The following HERC5 variants were observed in gnomAD, a reference collection of about 807,000 sequenced individuals.
HERC5 encodes E3 ISG15--protein ligase HERC5.
HERC5 carries 99 observed loss-of-function variants against 119.6 expected under a neutral mutation model. The ratio of observed to expected loss-of-function variants is 0.83; its 90% CI spans 0.70 to 0.98. The LOEUF (loss-of-function observed/expected upper bound fraction) is 0.98, where lower values mean the gene tolerates loss of function less well. Among genes scored for constraint, HERC5 ranks in the 50% least tolerant of loss-of-function variants. The pLI, the probability that HERC5 is intolerant of heterozygous loss-of-function variation, is 0.00. For missense variants in HERC5, 1,267 were observed against 1,241.3 expected (o/e 1.02, Z -0.31); for synonymous variants, 478 against 445.9 (o/e 1.07, Z -0.91).
rs1578070826 is a variant in HERC5 at position 88,503,329 on chromosome 4, C to T, written c.2583-903C>T. Among the ~76,000 whole-genome samples the T allele has an allele frequency of 2.0e-5, 3 of 152,222 alleles. No homozygotes were observed. In the East Asian group the frequency reaches 5.8e-4, roughly 29 times the overall value. On this transcript the variant is annotated intron_variant, in intron 20 of 22. Coordinates refer to ENST00000264350, the MANE Select transcript of HERC5 (RefSeq NM_016323.4). ...CAGAATCTCCATTTGTTTAAATCGT[C>T]TTTTGTCATTCTTGAAAAAATGTTA...
At chr4:88,492,497 G>A (rs569213737) in intron 16 of HERC5, among the ~76,000 whole-genome samples, 2 of 151,462 alleles carry the variant, frequency 1.3e-5, no homozygotes, top group Non-Finnish European at 2.9e-5. Flanking sequence ...TAATCTCAGC[G>A]CTTTGGGAGG....
intron 6 of HERC5, among the ~76,000 whole-genome samples, chr4:88,466,844 G>A (rs1422317371): frequency 6.6e-6 from 1 of 152,190 alleles, no homozygotes; most frequent in Non-Finnish European, 1.5e-5. Flanking sequence ...AACACCATTT[G>A]CCAAAGTATG....
intron 22 of HERC5, 111 bp downstream of exon 22, chr4:88,504,708 C>G (rs1185382071): frequency 1.8e-5 from 9 of 492,838 alleles, no homozygotes; most frequent in Middle Eastern, 5.6e-4. Context: ...AGAGCTACGC[C>G]TAGTCCAACT....
chr4:88,476,164 G>A (rs1229516304), intron 12 of HERC5, 134 bp downstream of exon 12: 17 of 646,388 alleles, frequency 2.6e-5, no homozygotes, highest in Non-Finnish European at 4.4e-5. Flanking sequence ...ATACTCTAAA[G>A]GTACTATAAC....
chr4:88,491,196 T>C (rs940392436), intron 16 of HERC5, among the ~76,000 whole-genome samples: 4 of 152,158 alleles, frequency 2.6e-5, no homozygotes, highest in Non-Finnish European at 5.9e-5. Flanking sequence ...TTTTTAGTAT[T>C]TCACTATTTC....
intron 16 of HERC5, among the ~76,000 whole-genome samples, chr4:88,491,737 C>T (rs1301582622): frequency 2.6e-5 from 4 of 151,756 alleles, no homozygotes; most frequent in South Asian, 2.1e-4. Context: ...GGAAGGAGCC[C>T]GTGTTTGTAT....
chr4:88,499,951 GA>G lies in HERC5; in HGVS notation c.2472del (p.Gly825ValfsTer23). The G allele has an allele frequency of 6.2e-7, 1 of 1,608,920 alleles. No individual in the cohort carries two copies. The highest frequency in any genetic ancestry group is 1.1e-5 in the South Asian group (1 of 90,848). On this transcript the variant is annotated frameshift_variant, in exon 19 of 23. Coordinates refer to ENST00000264350, the MANE Select transcript of HERC5 (RefSeq NM_016323.4). LOFTEE classifies it high-confidence loss of function. ...GKNLQTLLDD[E>X]GDNFEEVFYI... Reference sequence around the variant, plus strand: ...GAATTTGCAAACACTTCTGGATGATGAAGGTGATAACTTTGAGGAAGTATTT... The same window carrying G: ...GAATTTGCAAACACTTCTGGATGATGAGGTGATAACTTTGAGGAAGTATTT...
At chr4:88,474,642 C>T (rs1300110011) in intron 11 of HERC5, among the ~76,000 whole-genome samples, 1 of 152,170 alleles carries the variant, frequency 6.6e-6, no homozygotes, top group African/African-American at 2.4e-5. Flanking sequence ...CACTTAGCCA[C>T]TATCTCATAA....
chr4:88,457,279 A>C lies in HERC5; in HGVS notation c.10A>C (p.Arg4=). 1.5e-6 allele frequency: 2 copies of C among 1,351,188 alleles called. No homozygotes were observed. Among genetic ancestry groups the C allele is most frequent in the Non-Finnish European group, 9.5e-7 (1 of 1,057,086 alleles). The allele number at this position is 1,351,188 out of a possible 1,614,324, so 83.7% of individuals were successfully genotyped here. A position where few individuals can be genotyped will look rare whatever the true frequency, so the allele number is the denominator to read the frequency against. ...ACCCCGCAAAGCGGCGATGGAGCGG[A>C]GGTCGCGGAGGAAGTCGCGGCGCAA... The part of the protein sequence containing the change: MER[R]SRRKSRRNGR... The change falls in exon 1 of 23, where the codon AGG becomes CGG. Residue 4 remains arginine (R), a synonymous_variant. Coordinates refer to ENST00000264350, the MANE Select transcript of HERC5 (RefSeq NM_016323.4).
intron 12 of HERC5, among the ~76,000 whole-genome samples, chr4:88,476,482 T>G (rs1741070070): frequency 6.6e-6 from 1 of 152,222 alleles, no homozygotes; most frequent in Non-Finnish European, 1.5e-5. Flanking sequence ...GCTTTTGTAA[T>G]TATGGTATTA....
At position 88,457,926 on chromosome 4, in the gene HERC5, G is replaced by A. The variant is rs868338488; in HGVS notation, c.265+392G>A. Reference sequence around the variant, plus strand: ...AGTCACTGCTCCAACTTTGGGAGTCGTTCTCAGTGATGGGATTTTACCTTG... The same window carrying A: ...AGTCACTGCTCCAACTTTGGGAGTCATTCTCAGTGATGGGATTTTACCTTG... On this transcript the variant is annotated intron_variant, in intron 1 of 22. Coordinates refer to ENST00000264350, the MANE Select transcript of HERC5 (RefSeq NM_016323.4). 42 of 1,012,828 alleles carry A rather than the reference G, an allele frequency of 4.1e-5. No individual in the cohort carries two copies. The South Asian group carries it at 6.5e-4, about 16-fold the overall frequency. 62.7% of individuals were successfully genotyped at this position (1,012,828 alleles called of 1,614,324 possible).
chr4:88,485,730 C>T (rs1741435019), intron 13 of HERC5, among the ~76,000 whole-genome samples: 1 of 151,954 alleles, frequency 6.6e-6, no homozygotes, highest in Non-Finnish European at 1.5e-5. Context: ...GGGAATGTTC[C>T]ACAAATGCCT....
chr4:88,487,970 A>G (rs193025512), intron 15 of HERC5, among the ~76,000 whole-genome samples: 3 of 152,350 alleles, frequency 2.0e-5, no homozygotes, highest in Admixed American at 6.5e-5. Flanking sequence ...TATGTATAAT[A>G]TTCAAATATA....
intron 15 of HERC5, 35 bp downstream of exon 15, chr4:88,487,214 C>A (rs377415064): frequency 3.5e-5 from 41 of 1,186,624 alleles, no homozygotes; most frequent in Middle Eastern, 2.2e-4. Context: ...TAGCATAAAT[C>A]ACATGCTAAG....
chr4:88,485,293 A>G (rs968336831), intron 13 of HERC5, among the ~76,000 whole-genome samples: 3 of 152,190 alleles, frequency 2.0e-5, no homozygotes, highest in African/African-American at 7.2e-5. Context: ...GCCACCAGGA[A>G]CCATGAAGAT....
In HERC5 at chr4:88,500,805, G is replaced by A. The variant is rs1414177918; in HGVS notation, c.2512-110G>A. The A allele has an allele frequency of 5.7e-5, 46 of 805,208 alleles. No homozygotes were observed. The Middle Eastern group carries it at 9.7e-4, about 17-fold the overall frequency. 49.9% of individuals were successfully genotyped at this position (805,208 alleles called of 1,614,324 possible). A position where few individuals can be genotyped will look rare whatever the true frequency, so the allele number is the denominator to read the frequency against. ...CCTTGCTAGCTTTTATGACAAAAATGTACATTTTAACACATTCTTTTTAGA... is the reference window on the plus strand; with the variant it reads ...CCTTGCTAGCTTTTATGACAAAAATATACATTTTAACACATTCTTTTTAGA... On this transcript the variant is annotated intron_variant, in intron 19 of 22. Transcript: ENST00000264350.
intron 4 of HERC5, 123 bp from the exon 5 acceptor site, chr4:88,463,409 C>T: frequency 1.6e-6 from 1 of 645,010 alleles, no homozygotes; most frequent in Middle Eastern, 2.6e-4. Context: ...CAACATAGAG[C>T]CTTTCTTGTC....
At chr4:88,457,894 A>G in intron 1 of HERC5, 1 of 1,046,928 alleles carries the variant, frequency 9.6e-7, no homozygotes, top group Non-Finnish European at 1.1e-6. Context: ...TCTCGTTTTG[A>G]GAAAGTAGTC....
intron 20 of HERC5, among the ~76,000 whole-genome samples, chr4:88,502,790 A>G (rs921113161): frequency 2.0e-5 from 3 of 151,738 alleles, no homozygotes; most frequent in Non-Finnish European, 2.9e-5. Flanking sequence ...TAAGCACTTT[A>G]TATGCTTATT....
Sources: allele counts gnomAD v4.1 joint callset (sites outside exome capture counted in the v4.1 genomes callset), GRCh38; gene constraint gnomAD v4.1.1; transcripts MANE v1.5; gene names NCBI Gene and HGNC (gene_info 2026-07-23, HGNC 2026-07-21).